Variants in SLC38A12 observed in about 807,000 individuals in gnomAD.
SLC38A12 encodes solute carrier family 38 member 12.
chr17:74,785,749 T>G, the SLC38A12 span: 3 of 1,174,262 alleles, frequency 2.6e-6, no homozygotes, highest in African/African-American at 4.6e-5. Context: ...GCCAGGGTAT[T>G]CAGAGAGGGG....
the SLC38A12 span, among the ~76,000 whole-genome samples, chr17:74,814,252 C>T: frequency 1.3e-5 from 2 of 148,984 alleles, no homozygotes; most frequent in South Asian, 2.3e-4. Flanking sequence ...TCCCAGGCCC[C>T]CTTCCTGTGG....
chr17:74,777,461 G>A, the SLC38A12 span: 15 of 1,596,772 alleles, frequency 9.4e-6, no homozygotes, highest in African/African-American at 1.5e-4. Flanking sequence ...TGGGACTAGT[G>A]AGTGCTGCTG....
At chr17:74,796,691 C>T in the SLC38A12 span, among the ~76,000 whole-genome samples, 3 of 152,254 alleles carry the variant, frequency 2.0e-5, no homozygotes, top group African/African-American at 7.2e-5. Context: ...GCACATTCAT[C>T]TGTGGCTAGC....
At chr17:74,791,247 G>C in the SLC38A12 span, among the ~76,000 whole-genome samples, 3 of 152,168 alleles carry the variant, frequency 2.0e-5, no homozygotes, top group South Asian at 2.1e-4. Context: ...CAAAGAGGCC[G>C]CTTCTCTAGC....
the SLC38A12 span, among the ~76,000 whole-genome samples, chr17:74,822,812 C>T: frequency 1.3e-5 from 2 of 152,222 alleles, no homozygotes; most frequent in African/African-American, 4.8e-5. Flanking sequence ...CCAGTGCTGG[C>T]GGAAGGTGTG....
the SLC38A12 span, among the ~76,000 whole-genome samples, chr17:74,828,472 T>A: frequency 3.9e-5 from 6 of 152,108 alleles, no homozygotes; most frequent in African/African-American, 1.4e-4. Flanking sequence ...CATGTCCTCA[T>A]ACTCCTCATC....
At chr17:74,805,065 C>T in the SLC38A12 span, among the ~76,000 whole-genome samples, 31 of 152,256 alleles carry the variant, frequency 2.0e-4, no homozygotes, top group African/African-American at 7.0e-4. This position sits in a 1 kb window ranked among gnomAD's most constrained non-coding sequence, Gnocchi z 5.0. Context: ...CCCAGGAATC[C>T]GCATTTTCAA....
the SLC38A12 span, among the ~76,000 whole-genome samples, chr17:74,810,795 T>A: frequency 6.6e-6 from 1 of 152,234 alleles, no homozygotes; most frequent in Admixed American, 6.5e-5. Flanking sequence ...GACGACCTCC[T>A]CTAGATGGCA....
chr17:74,783,548 T>C, the SLC38A12 span, among the ~76,000 whole-genome samples: 2 of 152,034 alleles, frequency 1.3e-5, no homozygotes, highest in Non-Finnish European at 2.9e-5. Flanking sequence ...ATTCAGGTAC[T>C]GCAGGCAGAG....
chr17:74,788,955 C>G, the SLC38A12 span: 1 of 1,255,372 alleles, frequency 8.0e-7, no homozygotes, highest in Non-Finnish European at 1.1e-6. Flanking sequence ...TTCTTTTCCT[C>G]TCAGTGCATG....
the SLC38A12 span, among the ~76,000 whole-genome samples, chr17:74,788,544 T>C: frequency 6.6e-6 from 1 of 152,178 alleles, no homozygotes; most frequent in Non-Finnish European, 1.5e-5. Context: ...CTTTGGTTAT[T>C]TTCCCTCCCA....
chr17:74,782,856 G>A, the SLC38A12 span, among the ~76,000 whole-genome samples: 2 of 152,194 alleles, frequency 1.3e-5, no homozygotes, highest in Non-Finnish European at 2.9e-5. Flanking sequence ...AGGGCTGGGC[G>A]TGTTGGCTCA....
the SLC38A12 span, among the ~76,000 whole-genome samples, chr17:74,820,955 G>A: frequency 2.0e-5 from 3 of 152,204 alleles, no homozygotes; most frequent in Admixed American, 6.5e-5. Context: ...GTCAGTCTAA[G>A]GAGCCTCTGT....
the SLC38A12 span, among the ~76,000 whole-genome samples, chr17:74,811,584 G>A: frequency 6.6e-6 from 1 of 151,850 alleles, no homozygotes; most frequent in Non-Finnish European, 1.5e-5. Context: ...AGCAAAGCGT[G>A]GTGGCATATG....
the SLC38A12 span, chr17:74,819,943 T>TGTG: frequency 2.7e-6 from 3 of 1,102,348 alleles, no homozygotes; most frequent in Non-Finnish European, 2.7e-6. Context: ...GTAGCTGGAG[T>TGTG]GTGGTGGTGG....
the SLC38A12 span, among the ~76,000 whole-genome samples, chr17:74,804,288 T>C: frequency 0.92 from 140,556 of 152,370 alleles, 64,857 homozygotes; most frequent in East Asian, 0.99. Flanking sequence ...CCGTGATCCT[T>C]CGTGTGGCCA....
At chr17:74,787,630 A>G in the SLC38A12 span, among the ~76,000 whole-genome samples, 1 of 44,612 alleles carries the variant, frequency 2.2e-5, no homozygotes, top group African/African-American at 5.7e-5. Flanking sequence ...CTCCGTCTCA[A>G]AAAAAAAAAA....
chr17:74,836,942 A>C, the SLC38A12 span: 7 of 1,315,708 alleles, frequency 5.3e-6, no homozygotes, highest in African/African-American at 1.0e-4. The surrounding 1 kb of genome is among the most constrained non-coding windows in gnomAD (Gnocchi z 4.2). Flanking sequence ...CCAAGTTCTA[A>C]GACTCATTAC....
At chr17:74,795,598 C>T in the SLC38A12 span, 2 of 1,613,968 alleles carry the variant, frequency 1.2e-6, no homozygotes, top group Non-Finnish European at 1.7e-6. Context: ...TGCTGGGGGC[C>T]CCTGCGCCGA....
Sources: allele counts gnomAD v4.1 joint callset (sites outside exome capture counted in the v4.1 genomes callset), GRCh38; gene constraint gnomAD v4.1.1; non-coding constraint Gnocchi (gnomAD v3.1); transcripts MANE v1.5; gene names NCBI Gene and HGNC (gene_info 2026-07-23, HGNC 2026-07-21).